Variants in ZNF292 observed in about 807,000 individuals in gnomAD.
ZNF292 encodes 16 zinc-finger domain protein.
ZNF292 carries 26 observed loss-of-function variants against 217.9 expected under a neutral mutation model. The observed-to-expected ratio is 0.12, with a 90% CI of 0.09 to 0.17. ZNF292 has a LOEUF of 0.17. Ranked by LOEUF, ZNF292 falls within the 10% of genes least tolerant of loss-of-function variation. The probability of loss-of-function intolerance (pLI) is 1.00; values close to 1 mark genes in which losing one functional copy is unlikely to be tolerated. For synonymous variants in ZNF292, 1,257 were observed against 1,124.1 expected (o/e 1.12, Z -2.37); for missense variants, 2,904 against 3,175.2 (o/e 0.91, Z 2.05).
chr6:87,172,382 A>G (rs1276279216), intron 1 of ZNF292, among the ~76,000 whole-genome samples: 1 of 152,120 alleles, frequency 6.6e-6, no homozygotes, highest in Admixed American at 6.5e-5. Flanking sequence ...CTTTTCATCA[A>G]CCTCTTAGAC....
intron 1 of ZNF292, chr6:87,213,783 CAAAG>C (rs1390356345): frequency 6.6e-6 from 1 of 152,140 alleles, no homozygotes; most frequent in African/African-American, 2.4e-5. Flanking sequence ...AATGGAGAAT[CAAAG>C]AATAAGAGAG....
rs548704884 is a variant in ZNF292, at chr6:87,263,548, C to T, written c.*1747C>T. 2 of 151,616 alleles carry T rather than the reference C, an allele frequency of 1.3e-5. No homozygotes were observed. Among genetic ancestry groups the T allele is most frequent in the Admixed American group, 6.6e-5 (1 of 15,234 alleles). 9.4% of individuals were successfully genotyped at this position (151,616 alleles called of 1,614,324 possible). ...TATTAAAGTATTTTATTTTTAGGGCCTTTTGGGTTTTATTGAATAGTTCAT... is the reference window on the plus strand; with the variant it reads ...TATTAAAGTATTTTATTTTTAGGGCTTTTTGGGTTTTATTGAATAGTTCAT... On this transcript the variant is annotated 3_prime_UTR_variant, in exon 8 of 8. Coordinates refer to ENST00000369577, the MANE Select transcript of ZNF292 (RefSeq NM_015021.3).
intron 4 of ZNF292, among the ~76,000 whole-genome samples, chr6:87,228,593 G>A (rs1773487783): frequency 1.3e-5 from 2 of 152,136 alleles, no homozygotes; most frequent in South Asian, 4.1e-4. Context: ...TCCGTTTTGA[G>A]TTAATGTTTG....
chr6:87,191,567 T>G (rs961186397), intron 1 of ZNF292, among the ~76,000 whole-genome samples: 2 of 152,224 alleles, frequency 1.3e-5, no homozygotes, highest in African/African-American at 4.8e-5. Context: ...AGTTTTGCAT[T>G]CCCAAATTGA....
At chr6:87,173,488 A>G in intron 1 of ZNF292, 1 of 178,788 alleles carries the variant, frequency 5.6e-6, no homozygotes, top group Admixed American at 5.5e-5. Context: ...TGCTTTGGAA[A>G]ACAAGGTCCT....
intron 1 of ZNF292, among the ~76,000 whole-genome samples, chr6:87,176,482 G>A (rs1442239893): frequency 6.6e-6 from 1 of 152,190 alleles, no homozygotes; most frequent in Non-Finnish European, 1.5e-5. Context: ...TTTAGGGGAA[G>A]GTCAGAAAAT....
intron 1 of ZNF292, among the ~76,000 whole-genome samples, chr6:87,184,469 G>GC (rs1041370080): frequency 6.5e-5 from 8 of 122,988 alleles, no homozygotes; most frequent in African/African-American, 2.7e-4. Flanking sequence ...CTTACCATAG[G>GC]CTTTTTTTTT....
At position 87,255,699 on chromosome 6, in the gene ZNF292, G is replaced by A; in HGVS notation, c.2070G>A (p.Lys690=). The A allele has an allele frequency of 6.2e-7, 1 of 1,613,316 alleles. No individual in the cohort carries two copies. The highest frequency in any genetic ancestry group is 8.5e-7 in the Non-Finnish European group (1 of 1,179,676). ...EFNCPVTFCK[K]GFKYFKNLIA... ...ATTGCCCTGTAACTTTTTGTAAAAA[G>A]GGCTTTAAGTACTTTAAAAATTTAA... Residue 690 remains lysine, a synonymous_variant, in exon 8 of 8, where the codon AAG becomes AAA. Coordinates refer to ENST00000369577, the MANE Select transcript of ZNF292 (RefSeq NM_015021.3).
intron 1 of ZNF292, among the ~76,000 whole-genome samples, chr6:87,209,161 T>C (rs1772376802): frequency 6.7e-6 from 1 of 149,738 alleles, no homozygotes; most frequent in Non-Finnish European, 1.5e-5. Context: ...AGCCCTTTGG[T>C]GATTATGCAG....
At chr6:87,201,426 C>T (rs183499303) in intron 1 of ZNF292, among the ~76,000 whole-genome samples, 5 of 152,112 alleles carry the variant, frequency 3.3e-5, no homozygotes, top group East Asian at 1.9e-4. Flanking sequence ...TTCTTTGTAA[C>T]GGAGTTTTGC....
intron 1 of ZNF292, among the ~76,000 whole-genome samples, chr6:87,172,190 G>A (rs1454274143): frequency 6.6e-6 from 1 of 152,186 alleles, no homozygotes; most frequent in Non-Finnish European, 1.5e-5. Flanking sequence ...AGTGAAAGCA[G>A]TGAACAGCTG....
intron 7 of ZNF292, among the ~76,000 whole-genome samples, chr6:87,252,383 C>A (rs1774964715): frequency 6.6e-6 from 1 of 152,074 alleles, no homozygotes; most frequent in Non-Finnish European, 1.5e-5. Context: ...AAACTTCTGA[C>A]CTCACATGAT....
intron 1 of ZNF292, among the ~76,000 whole-genome samples, chr6:87,167,046 CT>C (rs1362930468): frequency 6.6e-6 from 1 of 152,190 alleles, no homozygotes; most frequent in Non-Finnish European, 1.5e-5. Flanking sequence ...AGTTACTTGA[CT>C]CTTTTCCTGA....
chr6:87,205,129 G>A (rs1733410521), intron 1 of ZNF292, among the ~76,000 whole-genome samples: 1 of 152,028 alleles, frequency 6.6e-6, no homozygotes, highest in African/African-American at 2.4e-5. Context: ...CTGTAGTGCA[G>A]TGGCAAGATC....
chr6:87,193,154 T>A (rs1771865550), intron 1 of ZNF292, among the ~76,000 whole-genome samples: 1 of 152,116 alleles, frequency 6.6e-6, no homozygotes, highest in African/African-American at 2.4e-5. Flanking sequence ...AGGTTGAGCT[T>A]CCCTAATCTA....
chr6:87,179,642 G>A lies in ZNF292; in HGVS notation c.168+23883G>A, dbSNP rs1210789152. Among the ~76,000 whole-genome samples, 4 of 151,966 alleles carry A rather than the reference G, an allele frequency of 2.6e-5. No individual in the cohort carries two copies. The East Asian group carries it at 7.7e-4, about 29-fold the overall frequency. ...ATGTATAAATATATATACTATTTCG[G>A]CTTATATAGTTTTTCAAGTCTGTTT... On this transcript the variant is annotated intron_variant, in intron 1 of 7. Transcript: ENST00000369577.
chr6:87,261,573 C>G lies in ZNF292; in HGVS notation c.7944C>G (p.Ser2648Arg), dbSNP rs754830834. The G allele has an allele frequency of 6.2e-7, 1 of 1,610,396 alleles. No individual in the cohort carries two copies. The highest frequency in any genetic ancestry group is 8.5e-7 in the Non-Finnish European group (1 of 1,178,114). The change falls in exon 8 of 8, where the codon AGC (serine) becomes AGG (arginine). Residue 2648 changes from serine (S) to arginine (R), a missense_variant. Ser to Arg is a moderately radical substitution (Grantham distance 110). Transcript: ENST00000369577. ...SGNHVCPCKESETFVQFANPS... is the reference protein window; with the variant it reads ...SGNHVCPCKERETFVQFANPS... ...ATCATGTATGTCCTTGTAAAGAAAG[C>G]GAAACGTTTGTACAGTTTGCCAATC...
At position 87,261,269 on chromosome 6, in the gene ZNF292, T is replaced by A. The variant is rs772721529; in HGVS notation, c.7640T>A (p.Val2547Asp). Residue 2547 changes from valine to aspartate, a missense_variant, in exon 8 of 8, where the codon GTT becomes GAT. By Grantham distance (152) the Val-to-Asp change is radical. Coordinates refer to ENST00000369577, the MANE Select transcript of ZNF292 (RefSeq NM_015021.3). ...KNVSQNKKRK[V>D]EKAEPASAAE... ...GTCTCACAAAATAAAAAAAGGAAAG[T>A]TGAAAAAGCTGAACCAGCATCAGCA... is the stretch of plus-strand genomic sequence containing the variant. 5.0e-6 allele frequency: 8 copies of A among 1,610,888 alleles called. No homozygotes were observed. Among genetic ancestry groups the A allele is most frequent in the Non-Finnish European group, 5.9e-6 (7 of 1,179,096 alleles).
Position 87,231,522 on chromosome 6 carries a change from G to C in ZNF292, c.539-1803G>C, listed in dbSNP as rs142160262. 5.7e-3 allele frequency among the ~76,000 whole-genome samples: 873 copies of C among 152,194 alleles called. 31 individuals are homozygous for C. The highest frequency in any genetic ancestry group is 0.051 in the Admixed American group (783 of 15,298). On this transcript the variant is annotated intron_variant, in intron 4 of 7. Transcript: ENST00000369577. ...AAATTTCCTTCTACTCAAATATTCT[G>C]TGTATTTTTGAAATCCATTTTGCCC...
Sources: allele counts gnomAD v4.1 joint callset (sites outside exome capture counted in the v4.1 genomes callset), GRCh38; gene constraint gnomAD v4.1.1; transcripts MANE v1.5; gene names NCBI Gene and HGNC (gene_info 2026-07-23, HGNC 2026-07-21).